The following DCC variants were observed in gnomAD, a reference collection of about 807,000 sequenced individuals.
DCC encodes DCC netrin 1 receptor, also known as netrin receptor DCC.
A neutral mutation model predicts 172.5 loss-of-function variants in DCC; 58 were observed. That is an observed-to-expected ratio of 0.34 (90% CI 0.27 to 0.42). The LOEUF is 0.42. DCC is among the 10% of genes least tolerant of loss of function. The pLI, the probability that DCC is intolerant of heterozygous loss-of-function variation, is 1.00. For missense variants in DCC, 1,740 were observed against 1,791.0 expected, an observed-to-expected ratio of 0.97 and a Z score of 0.51; for synonymous variants, 709 against 644.5, an observed-to-expected ratio of 1.10 and a Z score of -1.52.
At chr18:53,061,907 T>C (rs1418613050) in intron 5 of DCC, among the ~76,000 whole-genome samples, 2 of 152,132 alleles carry the variant, frequency 1.3e-5, no homozygotes, top group African/African-American at 4.8e-5. Flanking sequence ...GGGTATTAAA[T>C]GAACCCTTGA....
At position 53,344,440 on chromosome 18, in the gene DCC, C is replaced by CTTTT. The variant is rs71175582; in HGVS notation, c.2359+4550_2359+4553dup. Among the ~76,000 whole-genome samples, 184 of 97,046 alleles carry CTTTT rather than the reference C, an allele frequency of 1.9e-3. 1 individual carries two copies. Among genetic ancestry groups the CTTTT allele is most frequent in the African/African-American group, 5.8e-3 (142 of 24,284 alleles). 63.7% of individuals were successfully genotyped at this position (97,046 alleles called of 152,430 possible). A position where few individuals can be genotyped will look rare whatever the true frequency, so the allele number is the denominator to read the frequency against. ...TTTTCTTTTCTTTCTTTTCGTTTTT[C>CTTTT]TTTTTTTTTTTTTTTTTTTTGAGCC... is the stretch of plus-strand genomic sequence containing the variant. On this transcript the variant is annotated intron_variant, in intron 15 of 28. Transcript: ENST00000442544.
intron 1 of DCC, among the ~76,000 whole-genome samples, chr18:52,675,394 T>A (rs1568035207): frequency 6.6e-6 from 1 of 152,110 alleles, no homozygotes; most frequent in African/African-American, 2.4e-5. Flanking sequence ...AATTGTCAAC[T>A]AGAAAATTTT....
chr18:52,885,797 C>G (rs574332349), intron 2 of DCC, among the ~76,000 whole-genome samples: 2 of 152,124 alleles, frequency 1.3e-5, no homozygotes, highest in Admixed American at 6.5e-5. Flanking sequence ...CATCTCAGGG[C>G]TCTAGGTCCT....
chr18:52,907,131 C>A (rs1288444714), intron 3 of DCC, among the ~76,000 whole-genome samples: 1 of 150,526 alleles, frequency 6.6e-6, no homozygotes, highest in South Asian at 2.1e-4. Context: ...CCATTACATA[C>A]ACAAAATTTT....
At chr18:52,418,260 C>G (rs1174415535) in intron 1 of DCC, among the ~76,000 whole-genome samples, 6 of 152,116 alleles carry the variant, frequency 3.9e-5, no homozygotes, top group Admixed American at 3.9e-4. Flanking sequence ...AAAAATACCC[C>G]TGGTGTATCT....
intron 1 of DCC, among the ~76,000 whole-genome samples, chr18:52,370,037 T>C (rs939022729): frequency 4.6e-5 from 7 of 152,292 alleles, no homozygotes; most frequent in Non-Finnish European, 7.4e-5. Flanking sequence ...GTAATTAATT[T>C]ACACTCCCAC....
At chr18:53,234,874 A>C (rs1304946764) in intron 12 of DCC, among the ~76,000 whole-genome samples, 1 of 152,208 alleles carries the variant, frequency 6.6e-6, no homozygotes, top group African/African-American at 2.4e-5. Flanking sequence ...GCTTTTGATG[A>C]CTAGATGGTT....
chr18:52,929,817 AACACACACACACACACACACACAC>A lies in DCC; in HGVS notation c.985+4470_985+4493del, dbSNP rs34457182. On this transcript the variant is annotated intron_variant, in intron 5 of 28. Transcript: ENST00000442544. ...ATAATCCAAAGACCTGGACTTTGCA[AACACACACACACACACACACACAC>A]ACACACACACACACACACACACTCA... Among the ~76,000 whole-genome samples the A allele has an allele frequency of 2.0e-4, 29 of 144,878 alleles. 1 individual carries two copies. The South Asian group carries it at 5.6e-3, about 28-fold the overall frequency.
intron 11 of DCC, among the ~76,000 whole-genome samples, chr18:53,209,802 T>G (rs1294266414): frequency 6.6e-6 from 1 of 152,196 alleles, no homozygotes; most frequent in Non-Finnish European, 1.5e-5. Context: ...TTTACATAAT[T>G]TATGTAGATT....
intron 2 of DCC, among the ~76,000 whole-genome samples, chr18:52,764,140 G>A (rs946001188): frequency 4.6e-5 from 7 of 152,168 alleles, no homozygotes; most frequent in African/African-American, 1.7e-4. Context: ...TTATTAGCCT[G>A]GACCTAAACA....
chr18:52,453,161 TA>T (rs576362732), intron 1 of DCC, among the ~76,000 whole-genome samples: 64 of 152,318 alleles, frequency 4.2e-4, no homozygotes, highest in Middle Eastern at 3.4e-3. Flanking sequence ...TAAGCTCTTG[TA>T]GAACATGACG....
chr18:52,928,027 A>T (rs1164302536), intron 5 of DCC, among the ~76,000 whole-genome samples: 1 of 152,150 alleles, frequency 6.6e-6, no homozygotes, highest in East Asian at 1.9e-4. Context: ...AATGCCAATC[A>T]GTGGTAGACT....
At chr18:52,866,884 C>G (rs2039237280) in intron 2 of DCC, among the ~76,000 whole-genome samples, 2 of 151,984 alleles carry the variant, frequency 1.3e-5, no homozygotes, top group Non-Finnish European at 2.9e-5. Flanking sequence ...TTTCTCTTGC[C>G]TGATTGCCCT....
chr18:53,096,967 C>T lies in DCC; in HGVS notation c.1261+30801C>T, dbSNP rs111723193. ...AAGCTAGATAATGTAGTTAAAAATACACATCAAAAGAAAGAAAGAAGAAAG... is the reference window on the plus strand; with the variant it reads ...AAGCTAGATAATGTAGTTAAAAATATACATCAAAAGAAAGAAAGAAGAAAG... On this transcript the variant is annotated intron_variant, in intron 7 of 28. Transcript: ENST00000442544. Among the ~76,000 whole-genome samples the T allele has an allele frequency of 9.4e-3, 1,434 of 152,004 alleles. 31 individuals carry two copies. Among genetic ancestry groups the T allele is most frequent in the African/African-American group, 0.032 (1,335 of 41,450 alleles).
At chr18:52,778,553 ATTG>A (rs1208471712) in intron 2 of DCC, among the ~76,000 whole-genome samples, 1 of 152,166 alleles carries the variant, frequency 6.6e-6, no homozygotes, top group Non-Finnish European at 1.5e-5. Flanking sequence ...TCCCCATCAA[ATTG>A]TTGTTAAAGT....
chr18:53,302,624 A>C (rs1247508359), intron 12 of DCC, among the ~76,000 whole-genome samples: 2 of 152,194 alleles, frequency 1.3e-5, no homozygotes, highest in Non-Finnish European at 2.9e-5. Context: ...GAAAACACAA[A>C]TAGATATCTT....
At chr18:52,431,018 A>G (rs771948931) in intron 1 of DCC, among the ~76,000 whole-genome samples, 14 of 152,188 alleles carry the variant, frequency 9.2e-5, no homozygotes, top group African/African-American at 1.7e-4. Flanking sequence ...GGATTAGCCC[A>G]TCAAAAGATG....
intron 1 of DCC, among the ~76,000 whole-genome samples, chr18:52,506,362 A>G (rs1241701107): frequency 6.6e-6 from 1 of 152,114 alleles, no homozygotes; most frequent in Admixed American, 6.5e-5. Flanking sequence ...TTTAAGGTTG[A>G]CCTGTGAAAA....
intron 24 of DCC, among the ~76,000 whole-genome samples, chr18:53,460,047 A>G (rs1037616948): frequency 8.4e-6 from 1 of 119,210 alleles, no homozygotes; most frequent in Non-Finnish European, 2.0e-5. Context: ...TTGTTATACA[A>G]AGGGATCTGA....
Sources: allele counts gnomAD v4.1 joint callset (sites outside exome capture counted in the v4.1 genomes callset), GRCh38; gene constraint gnomAD v4.1.1; transcripts MANE v1.5; gene names NCBI Gene and HGNC (gene_info 2026-07-23, HGNC 2026-07-21).